Variants in CACNA1E observed in about 807,000 individuals in gnomAD.
CACNA1E encodes calcium voltage-gated channel subunit alpha1 E.
CACNA1E carries 40 observed loss-of-function variants against 259.2 expected under a neutral mutation model. That is an observed-to-expected ratio of 0.15 (90% CI 0.12 to 0.20). The LOEUF (loss-of-function observed/expected upper bound fraction) is 0.20, where lower values mean the gene tolerates loss of function less well. Among genes scored for constraint, CACNA1E ranks in the 10% least tolerant of loss-of-function variants. The pLI is 1.00. For synonymous variants in CACNA1E, 1,104 were observed against 1,138.5 expected, an observed-to-expected ratio of 0.97 and a Z score of 0.61; for missense variants, 1,874 against 3,040.1, an observed-to-expected ratio of 0.62 and a Z score of 9.02.
At chr1:181,352,985 C>A (rs1653153693) in intron 1 of CACNA1E, among the ~76,000 whole-genome samples, 2 of 152,180 alleles carry the variant, frequency 1.3e-5, no homozygotes, top group Non-Finnish European at 2.9e-5. Context: ...GATTGACCCT[C>A]AGTGCCCACT....
intron 7 of CACNA1E, among the ~76,000 whole-genome samples, chr1:181,671,002 T>C (rs1392687784): frequency 7.2e-5 from 11 of 152,228 alleles, no homozygotes; most frequent in Non-Finnish European, 1.3e-4. Context: ...GATCACTTAC[T>C]AAAATATCTA....
chr1:181,622,376 C>T (rs894465556), intron 6 of CACNA1E, among the ~76,000 whole-genome samples: 1 of 152,146 alleles, frequency 6.6e-6, no homozygotes, highest in African/African-American at 2.4e-5. Context: ...TTTGCTAGGG[C>T]TGCCATAACA....
intron 2 of CACNA1E, among the ~76,000 whole-genome samples, chr1:181,443,005 GC>G (rs986398665): frequency 2.0e-5 from 3 of 152,168 alleles, no homozygotes; most frequent in Admixed American, 1.3e-4. Flanking sequence ...GAGAAGAAAA[GC>G]CCAAATGGAG....
intron 39 of CACNA1E, 137 bp downstream of exon 39, chr1:181,781,660 TGAAGAGTCAG>T (rs1660443030): frequency 1.5e-6 from 1 of 657,362 alleles, no homozygotes; most frequent in Non-Finnish European, 2.8e-6. Context: ...ACGATGAGAC[TGAAGAGTCAG>T]GAAGGTTCCC....
In CACNA1E at chr1:181,736,244, T is replaced by C. The variant is rs369806879; in HGVS notation, c.3263-31T>C. On this transcript the variant is annotated intron_variant, in intron 21 of 47. Transcript: ENST00000367573. ...GTGCCATTTTCACATGCCTCATGAT[T>C]TCTGAAGATTTCAACGTGTTCCTCT... 297 of 1,557,090 alleles carry C rather than the reference T, an allele frequency of 1.9e-4. 1 individual carries two copies. The African/African-American group carries it at 3.8e-3, about 20-fold the overall frequency.
chr1:181,331,863 T>C (rs1435442978), intron 1 of CACNA1E, among the ~76,000 whole-genome samples: 1 of 152,234 alleles, frequency 6.6e-6, no homozygotes, highest in Admixed American at 6.5e-5. Context: ...CTAGTTTTTG[T>C]CAGGTTTGTC....
At chr1:181,619,441 G>T (rs748591109) in intron 6 of CACNA1E, among the ~76,000 whole-genome samples, 3 of 152,152 alleles carry the variant, frequency 2.0e-5, no homozygotes, top group Non-Finnish European at 1.5e-5. Flanking sequence ...AGCCAGGTCA[G>T]GTAGAATCCT....
chr1:181,774,035 T>C lies in CACNA1E; in HGVS notation c.5139+1804T>C, dbSNP rs137928516. ...CAGAGATTTACTGATGCCTCTACGATGTGCCCGAGGCCTTGTGCTGGAAGC... is the reference window on the plus strand; with the variant it reads ...CAGAGATTTACTGATGCCTCTACGACGTGCCCGAGGCCTTGTGCTGGAAGC... On this transcript the variant is annotated intron_variant, in intron 37 of 47. Coordinates refer to ENST00000367573, the MANE Select transcript of CACNA1E (RefSeq NM_001205293.3). Among the ~76,000 whole-genome samples the C allele has an allele frequency of 9.3e-4, 142 of 152,338 alleles. 3 individuals carry two copies. The East Asian group carries it at 0.024, about 25-fold the overall frequency.
chr1:181,535,490 G>A (rs1485959435), intron 3 of CACNA1E, among the ~76,000 whole-genome samples: 1 of 151,942 alleles, frequency 6.6e-6, no homozygotes, highest in Non-Finnish European at 1.5e-5. Flanking sequence ...AAACTATAAT[G>A]TGTGTATATA....
chr1:181,554,701 G>C (rs1648541302), intron 3 of CACNA1E, among the ~76,000 whole-genome samples: 1 of 152,188 alleles, frequency 6.6e-6, no homozygotes, highest in Non-Finnish European at 1.5e-5. Flanking sequence ...ACTGTGTACT[G>C]ACGTACGGCT....
chr1:181,673,730 A>C (rs1274117100), intron 7 of CACNA1E, among the ~76,000 whole-genome samples: 1 of 152,080 alleles, frequency 6.6e-6, no homozygotes, highest in Admixed American at 6.5e-5. Context: ...GAGTCCTGGA[A>C]ATTACAGTCG....
intron 2 of CACNA1E, among the ~76,000 whole-genome samples, chr1:181,453,210 T>C (rs998268010): frequency 5.3e-5 from 8 of 152,222 alleles, no homozygotes; most frequent in African/African-American, 1.9e-4. Context: ...GAGTTAGAGA[T>C]TAAAGACAAA....
At chr1:181,477,669 CAG>C (rs1393537795) in intron 2 of CACNA1E, among the ~76,000 whole-genome samples, 1 of 152,158 alleles carries the variant, frequency 6.6e-6, no homozygotes, top group African/African-American at 2.4e-5. Flanking sequence ...CCCCGCACAA[CAG>C]AGTGTGTTCA....
intron 6 of CACNA1E, among the ~76,000 whole-genome samples, chr1:181,642,624 C>T (rs1657897744): frequency 6.6e-6 from 1 of 152,210 alleles, no homozygotes; most frequent in South Asian, 2.1e-4. Flanking sequence ...CATCAGCAAG[C>T]CCTGTAGAAG....
intron 1 of CACNA1E, among the ~76,000 whole-genome samples, chr1:181,366,207 T>A (rs1216964492): frequency 6.6e-6 from 1 of 152,022 alleles, no homozygotes; most frequent in African/African-American, 2.4e-5. Context: ...TGGAGGAGAG[T>A]ACTGAAGCAC....
intron 25 of CACNA1E, among the ~76,000 whole-genome samples, chr1:181,747,390 A>G (rs1349948885): frequency 6.6e-6 from 1 of 152,050 alleles, no homozygotes; most frequent in Non-Finnish European, 1.5e-5. Context: ...TCTGGAGGGC[A>G]GCTTGACAAT....
chr1:181,410,754 A>C (rs1011379868), intron 1 of CACNA1E, among the ~76,000 whole-genome samples: 7 of 152,328 alleles, frequency 4.6e-5, no homozygotes, highest in South Asian at 2.1e-4. Context: ...TTTTATTGGC[A>C]GTGTGATCCT....
At position 181,719,762 on chromosome 1, in the gene CACNA1E, C is replaced by A; in HGVS notation, c.1650C>A (p.Gly550=). 2.5e-6 allele frequency: 4 copies of A among 1,593,752 alleles called. No individual in the cohort carries two copies. In the South Asian group the frequency reaches 3.4e-5, roughly 14 times the overall value. Reference sequence around the variant, plus strand: ...CATTGCCTCTCTAGGTCACAGTGGGCAGTATCTTTGAAGTGGTCTGGGCAA... The same window carrying A: ...CATTGCCTCTCTAGGTCACAGTGGGAAGTATCTTTGAAGTGGTCTGGGCAA... The part of the protein sequence containing the change: ...FNCFDFGVTV[G]SIFEVVWAIF... The change falls in exon 13 of 48, where the codon GGC becomes GGA. Residue 550 remains glycine (G), a synonymous_variant. Transcript: ENST00000367573.
At chr1:181,587,649 C>T (rs939136073) in intron 6 of CACNA1E, among the ~76,000 whole-genome samples, 4 of 151,778 alleles carry the variant, frequency 2.6e-5, no homozygotes, top group African/African-American at 9.7e-5. Flanking sequence ...TTTGGGAGGC[C>T]GAGGCGGGCG....
Sources: gnomAD v4.1 joint callset for allele counts (sites outside exome capture counted in the v4.1 genomes callset) on GRCh38, gnomAD v4.1.1 for gene constraint, MANE v1.5 for transcripts, NCBI Gene and HGNC (gene_info 2026-07-23, HGNC 2026-07-21) for gene names.